SLC41A1: variants seen among roughly 807,000 people sequenced by gnomAD.
The protein encoded by SLC41A1 is solute carrier family 41 member 1.
SLC41A1 carries 20 observed loss-of-function variants against 47.3 expected under a neutral mutation model. The ratio of observed to expected loss-of-function variants is 0.42; its 90% confidence interval spans 0.30 to 0.61. The LOEUF is 0.61. Ranked by LOEUF, SLC41A1 falls within the 20% of genes least tolerant of loss-of-function variation. The pLI is 0.17. For missense variants in SLC41A1, 504 were observed against 674.1 expected (o/e 0.75, Z 2.79); for synonymous variants, 282 against 272.7 (o/e 1.03, Z -0.34).
chr1:205,793,498 G>A (rs1655671627), intron 10 of SLC41A1, among the ~76,000 whole-genome samples: 1 of 152,242 alleles, frequency 6.6e-6, no homozygotes, highest in Non-Finnish European at 1.5e-5. Context: ...GCTAACTGCT[G>A]CAGGGCAACA....
intron 7 of SLC41A1, among the ~76,000 whole-genome samples, chr1:205,797,547 T>C (rs756754871): frequency 6.6e-6 from 1 of 152,344 alleles, no homozygotes; most frequent in South Asian, 2.1e-4. Context: ...TGTGGAACTG[T>C]TGGGGGAAGA....
Position 205,812,933 on chromosome 1 carries a change from GC to G in SLC41A1, c.-773del, listed in dbSNP as rs993393470. The G allele has an allele frequency of 5.1e-6, 5 of 985,376 alleles. No individual in the cohort carries two copies. Among genetic ancestry groups the G allele is most frequent in the Non-Finnish European group, 6.0e-6 (5 of 830,074 alleles). 61.0% of individuals were successfully genotyped at this position (985,376 alleles called of 1,614,324 possible). On this transcript the variant is annotated 5_prime_UTR_variant, in exon 1 of 11. Transcript: ENST00000367137. ...GACAGTCCTCCTTGGCCCCCGGCGTGCCCCCCCACACCCCCAGCCAAGGCGA... is the reference window on the plus strand; with the variant it reads ...GACAGTCCTCCTTGGCCCCCGGCGTGCCCCCCACACCCCCAGCCAAGGCGA...
intron 7 of SLC41A1, 127 bp from the exon 8 acceptor site, chr1:205,797,130 C>T (rs1655768902): frequency 2.4e-6 from 2 of 820,294 alleles, no homozygotes; most frequent in South Asian, 1.4e-5. Flanking sequence ...TCAGGAGTTC[C>T]TCACCATCCA....
chr1:205,801,385 G>C (rs1165583255), intron 2 of SLC41A1: 4 of 360,786 alleles, frequency 1.1e-5, no homozygotes, highest in African/African-American at 6.3e-5. Context: ...GAGCTGCCCT[G>C]GGCTGCCTGA....
intron 3 of SLC41A1, 94 bp from the exon 4 acceptor site, chr1:205,799,924 T>A: frequency 9.2e-7 from 1 of 1,081,838 alleles, no homozygotes; most frequent in Non-Finnish European, 1.4e-6. Context: ...AGGCAGTACA[T>A]GTGGCCTAAG....
chr1:205,810,740 T>C lies in SLC41A1; in HGVS notation c.-299A>G, dbSNP rs1264899769. 2.2e-6 allele frequency: 1 copy of C among 458,996 alleles called. No individual in the cohort carries two copies. Among genetic ancestry groups the C allele is most frequent in the Non-Finnish European group, 4.0e-6 (1 of 248,802 alleles). 28.4% of individuals were successfully genotyped at this position (458,996 alleles called of 1,614,324 possible). A position where few individuals can be genotyped will look rare whatever the true frequency, so the allele number is the denominator to read the frequency against. The stretch of plus-strand genomic sequence containing the variant: ...GCTCTGTGCTTGAAGAAAAAGTATC[T>C]GTCCTCTTATCTTCTTTGGTTCTCA... On this transcript the variant is annotated 5_prime_UTR_variant, in exon 2 of 11. Transcript: ENST00000367137. The surrounding 1 kb of genome is among the most constrained non-coding windows in gnomAD (Gnocchi z 5.5).
At chr1:205,801,084 G>A (rs762037732) in intron 2 of SLC41A1, 24 bp from the exon 3 acceptor site, 10 of 1,600,596 alleles carry the variant, frequency 6.2e-6, no homozygotes, top group Middle Eastern at 1.7e-4. Context: ...ACAGAACCCA[G>A]GAATTTCAGT....
At chr1:205,799,191 C>G (rs1461984443) in intron 4 of SLC41A1, 90 bp from the exon 5 acceptor site, 12 of 1,558,130 alleles carry the variant, frequency 7.7e-6, no homozygotes, top group African/African-American at 1.4e-5. Flanking sequence ...CTCTTCCTGG[C>G]TGGCAGTAGC....
Position 205,798,829 on chromosome 1 carries a change from G to A in SLC41A1, c.698-14C>T, listed in dbSNP as rs1455532460. 1.9e-6 allele frequency: 3 copies of A among 1,614,038 alleles called. No homozygotes were observed. The highest frequency in any genetic ancestry group is 4.5e-5 in the East Asian group (2 of 44,884). Reference sequence around the variant, plus strand: ...TCATGATCATACCTGGTGAGCAAGTGGGAGGAGGGGCAGGCAGGGTGAGAA... The same window carrying A: ...TCATGATCATACCTGGTGAGCAAGTAGGAGGAGGGGCAGGCAGGGTGAGAA... On this transcript the variant is annotated splice_polypyrimidine_tract_variant and intron_variant, in intron 5 of 10. Transcript: ENST00000367137.
chr1:205,796,643 G>A (rs914818132), intron 8 of SLC41A1: 4 of 513,026 alleles, frequency 7.8e-6, no homozygotes, highest in South Asian at 4.3e-5. Context: ...CAAGTATTCT[G>A]TTCTAGCAAC....
rs545853364 is a variant in SLC41A1, at chr1:205,795,043, A to G, written c.1208-25T>C. On this transcript the variant is annotated intron_variant, in intron 9 of 10. Coordinates refer to ENST00000367137, the MANE Select transcript of SLC41A1 (RefSeq NM_173854.6). The stretch of plus-strand genomic sequence containing the variant: ...TCTGGAATTGGGGAAAAGAGGGTGT[A>G]AAGAGGAGGGGAGGAGAAGACCTGG... 15 of 1,612,740 alleles carry G rather than the reference A, an allele frequency of 9.3e-6. No individual in the cohort carries two copies. In the South Asian group the frequency reaches 1.1e-4, roughly 12 times the overall value.
Position 205,812,970 on chromosome 1 carries a change from G to A in SLC41A1, c.-809C>T. 1 of 985,910 alleles carries A rather than the reference G, an allele frequency of 1.0e-6. No individual in the cohort carries two copies. Among genetic ancestry groups the A allele is most frequent in the Non-Finnish European group, 1.2e-6 (1 of 830,316 alleles). 61.1% of individuals were successfully genotyped at this position (985,910 alleles called of 1,614,324 possible). A position where few individuals can be genotyped will look rare whatever the true frequency, so the allele number is the denominator to read the frequency against. ...CCCCAGCCAAGGCGAGCGTCCAGCCGCGACACCCGGCTCGCTACATTTCGC... is the reference window on the plus strand; with the variant it reads ...CCCCAGCCAAGGCGAGCGTCCAGCCACGACACCCGGCTCGCTACATTTCGC... On this transcript the variant is annotated 5_prime_UTR_variant, in exon 1 of 11. Transcript: ENST00000367137.
At chr1:205,801,649 CTTTT>C (rs1655883324) in intron 2 of SLC41A1, among the ~76,000 whole-genome samples, 1 of 152,194 alleles carries the variant, frequency 6.6e-6, no homozygotes, top group African/African-American at 2.4e-5. Context: ...CTGCAAGAGG[CTTTT>C]TATTTCTCTG....
intron 3 of SLC41A1, 37 bp downstream of exon 3, chr1:205,800,916 C>T (rs1350802490): frequency 6.4e-7 from 1 of 1,571,090 alleles, no homozygotes; most frequent in Non-Finnish European, 8.8e-7. Flanking sequence ...GCCCAGAGTC[C>T]TCTCTGTGCC....
chr1:205,796,286 G>A lies in SLC41A1; in HGVS notation c.1072+638C>T, dbSNP rs945282917. ...TGGACTCCTATAATGCTATTCCCTCGTTACTATGGTTTGAATATAGTTTGT... is the reference window on the plus strand; with the variant it reads ...TGGACTCCTATAATGCTATTCCCTCATTACTATGGTTTGAATATAGTTTGT... On this transcript the variant is annotated intron_variant, in intron 8 of 10. Transcript: ENST00000367137. 13 of 161,718 alleles carry A rather than the reference G, an allele frequency of 8.0e-5. No individual in the cohort carries two copies. In the East Asian group the frequency reaches 1.3e-3, roughly 16 times the overall value. The allele number at this position is 161,718 out of a possible 1,614,324, so 10.0% of individuals were successfully genotyped here.
intron 10 of SLC41A1, among the ~76,000 whole-genome samples, chr1:205,794,147 C>CAT (rs1258695748): frequency 8.2e-5 from 6 of 73,472 alleles, no homozygotes; most frequent in Non-Finnish European, 2.2e-4. Context: ...AACACACACG[C>CAT]ACACACACAC....
At chr1:205,805,100 A>G (rs189998253) in intron 2 of SLC41A1, among the ~76,000 whole-genome samples, 2 of 152,256 alleles carry the variant, frequency 1.3e-5, no homozygotes, top group Admixed American at 1.3e-4. Flanking sequence ...TAAGAGACAG[A>G]CAGGCAAGGA....
rs1571639349 is a variant in SLC41A1, at chr1:205,795,002, T to C, written c.1224A>G (p.Ser408=). Residue 408 remains serine (S), a synonymous_variant, in exon 10 of 11, where the codon TCA becomes TCG. Transcript: ENST00000367137. ...TFFSPDVNSR[S]ARVLFLLVVP... Reference sequence around the variant, plus strand: ...CCACGAGGAGGAAGAGGACCCGGGCTGAGCGAGAATTCACATCTGGAATTG... The same window carrying C: ...CCACGAGGAGGAAGAGGACCCGGGCCGAGCGAGAATTCACATCTGGAATTG... 6.2e-7 allele frequency: 1 copy of C among 1,613,900 alleles called. No individual in the cohort carries two copies. Among genetic ancestry groups the C allele is most frequent in the East Asian group, 2.2e-5 (1 of 44,876 alleles).
At chr1:205,809,979 T>C in intron 2 of SLC41A1, 91 bp downstream of exon 2, 2 of 1,573,264 alleles carry the variant, frequency 1.3e-6, no homozygotes, top group Non-Finnish European at 1.7e-6. Context: ...CAGCCACTTC[T>C]GACAGGGAGG....
Sources: allele counts gnomAD v4.1 joint callset (sites outside exome capture counted in the v4.1 genomes callset), GRCh38; gene constraint gnomAD v4.1.1; non-coding constraint Gnocchi (gnomAD v3.1); transcripts MANE v1.5; gene names NCBI Gene and HGNC (gene_info 2026-07-23, HGNC 2026-07-21).